Variants in IQCK observed in about 807,000 individuals in gnomAD.
IQCK encodes the protein IQ domain-containing protein K.
Under a neutral mutation model 28.1 loss-of-function variants are expected in IQCK, and 29 were observed. The observed-to-expected ratio is 1.03, with a 90% confidence interval of 0.77 to 1.41. The LOEUF (loss-of-function observed/expected upper bound fraction) is 1.41. IQCK is among the 40% of genes most tolerant of loss of function. IQCK has a pLI of 0.00. For synonymous variants in IQCK, 113 were observed against 115.1 expected (o/e 0.98, Z 0.12); for missense variants, 359 against 314.7 (o/e 1.14, Z -1.07).
intron 4 of IQCK, among the ~76,000 whole-genome samples, chr16:19,745,820 T>C (rs544580220): frequency 1.5e-5 from 2 of 137,792 alleles, no homozygotes; most frequent in East Asian, 1.9e-4. Context: ...ATCTCACTCA[T>C]GTGTCTGGGG....
At chr16:19,824,816 C>T (rs901852263) in intron 7 of IQCK, among the ~76,000 whole-genome samples, 1 of 152,200 alleles carries the variant, frequency 6.6e-6, no homozygotes, top group African/African-American at 2.4e-5. Flanking sequence ...ACTTTCTCAC[C>T]TTGGAATTCC....
In IQCK at chr16:19,765,260, G is replaced by A. The variant is rs149026951; in HGVS notation, c.605+1148G>A. Among the ~76,000 whole-genome samples, 1,506 of 150,730 alleles carry A rather than the reference G, an allele frequency of 1.0e-2. 20 individuals are homozygous for A. The highest frequency in any genetic ancestry group is 0.034 in the African/African-American group (1,406 of 41,066). On this transcript the variant is annotated intron_variant, in intron 6 of 7. Transcript: ENST00000564186. ...AAAAAAAATCAGTTTATATCTGGCCGGGCATGGTGGCTTATGCCTGTAATC... is the reference window on the plus strand; with the variant it reads ...AAAAAAAATCAGTTTATATCTGGCCAGGCATGGTGGCTTATGCCTGTAATC...
chr16:19,736,204 G>T (rs1413741251), intron 4 of IQCK: 1 of 453,914 alleles, frequency 2.2e-6, no homozygotes, highest in Non-Finnish European at 4.4e-6. Flanking sequence ...TAAGTGCTCA[G>T]TAAATAACAT....
chr16:19,772,480 G>A (rs1207534621), intron 6 of IQCK, among the ~76,000 whole-genome samples: 2 of 151,914 alleles, frequency 1.3e-5, no homozygotes, highest in Admixed American at 6.6e-5. Context: ...ATGATGATGA[G>A]AATACTAATT....
intron 9 of IQCK, among the ~76,000 whole-genome samples, chr16:19,839,500 T>C (rs2056340658): frequency 6.6e-6 from 1 of 152,154 alleles, no homozygotes; most frequent in South Asian, 2.1e-4. Flanking sequence ...GTTTATTGTC[T>C]ATGTGACTGC....
At chr16:19,849,729 T>G in intron 9 of IQCK, among the ~76,000 whole-genome samples, 1 of 150,544 alleles carries the variant, frequency 6.6e-6, no homozygotes, top group Non-Finnish European at 1.5e-5. Context: ...ACCATGTACT[T>G]CAGCCTGGGC....
chr16:19,850,022 C>G (rs1358420330), intron 9 of IQCK, among the ~76,000 whole-genome samples: 1 of 152,220 alleles, frequency 6.6e-6, no homozygotes, highest in African/African-American at 2.4e-5. Context: ...CCTGTTTTTA[C>G]ACTTTGCCAA....
intron 6 of IQCK, among the ~76,000 whole-genome samples, chr16:19,776,098 C>G (rs560483955): frequency 2.6e-5 from 4 of 152,034 alleles, no homozygotes; most frequent in African/African-American, 9.6e-5. Context: ...CGAGACTGGT[C>G]ATGAACTCCT....
At chr16:19,727,592 C>A (rs375524132) in intron 1 of IQCK, among the ~76,000 whole-genome samples, 1 of 150,142 alleles carries the variant, frequency 6.7e-6, no homozygotes, top group Admixed American at 6.6e-5. Context: ...GTCACCCCCC[C>A]CCCCCAAAAA....
At chr16:19,786,199 G>A (rs1158147018) in intron 6 of IQCK, among the ~76,000 whole-genome samples, 1 of 152,176 alleles carries the variant, frequency 6.6e-6, no homozygotes, top group Non-Finnish European at 1.5e-5. Context: ...ATTTGTTGGT[G>A]TCACACAACT....
intron 7 of IQCK, among the ~76,000 whole-genome samples, chr16:19,820,913 A>G (rs1451121455): frequency 6.6e-6 from 1 of 152,228 alleles, no homozygotes. Context: ...AAGGCCTTGA[A>G]TAGACATTTC....
intron 1 of IQCK, among the ~76,000 whole-genome samples, 196 bp from the exon 2 acceptor site, chr16:19,730,234 G>A (rs1035228589): frequency 1.3e-5 from 2 of 152,174 alleles, no homozygotes; most frequent in Non-Finnish European, 2.9e-5. Context: ...GGGATTACAG[G>A]TGTGAGCCAC....
chr16:19,728,854 G>A (rs1319095766), intron 1 of IQCK, among the ~76,000 whole-genome samples: 2 of 152,228 alleles, frequency 1.3e-5, no homozygotes, highest in Admixed American at 6.5e-5. Context: ...TGCTTAGAAA[G>A]TTGAGAAGTG....
chr16:19,724,304 G>A (rs1289328871), intron 1 of IQCK, among the ~76,000 whole-genome samples: 2 of 152,038 alleles, frequency 1.3e-5, no homozygotes, highest in East Asian at 3.9e-4. Flanking sequence ...GCCCTCTACA[G>A]CAATACTTTC....
chr16:19,794,601 G>GT (rs2055670800), intron 7 of IQCK, among the ~76,000 whole-genome samples: 1 of 2,840 alleles, frequency 3.5e-4, no homozygotes, highest in Admixed American at 2.7e-3. Context: ...TGATGAGAAT[G>GT]TAAAATGGTG....
intron 7 of IQCK, among the ~76,000 whole-genome samples, chr16:19,800,984 G>C (rs572739900): frequency 8.1e-6 from 1 of 123,684 alleles, no homozygotes; most frequent in Non-Finnish European, 1.5e-5. Context: ...AGCCTTTTTA[G>C]GAGTGTGTGT....
chr16:19,822,400 A>T lies in IQCK; in HGVS notation c.691-4626A>T, dbSNP rs546508826. Among the ~76,000 whole-genome samples, 7 of 151,868 alleles carry T rather than the reference A, an allele frequency of 4.6e-5. No individual in the cohort carries two copies. The East Asian group carries it at 1.4e-3, about 29-fold the overall frequency. Reference sequence around the variant, plus strand: ...GACTCTGTCTCAAAAAAAAAAAAAAAAAAAAGCAAAACAAATGTCCCATTA... The same window carrying T: ...GACTCTGTCTCAAAAAAAAAAAAAATAAAAAGCAAAACAAATGTCCCATTA... On this transcript the variant is annotated intron_variant, in intron 7 of 7. Coordinates refer to ENST00000564186, the Ensembl canonical transcript of IQCK.
chr16:19,822,679 G>A (rs183611043), intron 7 of IQCK, among the ~76,000 whole-genome samples: 3 of 152,254 alleles, frequency 2.0e-5, no homozygotes, highest in Non-Finnish European at 4.4e-5. Flanking sequence ...GTTGGCTGGG[G>A]TAGAGAGAGG....
chr16:19,785,737 G>T (rs1433198999), intron 6 of IQCK, among the ~76,000 whole-genome samples: 1 of 152,218 alleles, frequency 6.6e-6, no homozygotes, highest in Non-Finnish European at 1.5e-5. Flanking sequence ...AGGTGAGCAT[G>T]AAGTGGCCAA....
Sources: allele counts gnomAD v4.1 joint callset (sites outside exome capture counted in the v4.1 genomes callset), GRCh38; gene constraint gnomAD v4.1.1; transcripts MANE v1.5; gene names NCBI Gene and HGNC (gene_info 2026-07-23, HGNC 2026-07-21).